The following TASP1 variants were observed in gnomAD, a reference collection of about 807,000 sequenced individuals.
TASP1 encodes the protein threonine aspartase 1.
In TASP1, 16 loss-of-function variants were observed where a neutral mutation model predicts 56.6. The observed-to-expected ratio is 0.28, with a 90% CI of 0.19 to 0.43. The LOEUF is 0.43. Ranked by LOEUF, TASP1 falls within the 20% of genes least tolerant of loss-of-function variation. The probability of loss-of-function intolerance (pLI) is 1.00; values close to 1 mark genes in which losing one functional copy is unlikely to be tolerated. For synonymous variants in TASP1, 179 were observed against 184.2 expected (o/e 0.97, Z 0.23); for missense variants, 393 against 511.6 (o/e 0.77, Z 2.24).
intron 1 of TASP1, among the ~76,000 whole-genome samples, chr20:13,635,461 C>T (rs2049270739): frequency 6.7e-6 from 1 of 149,740 alleles, no homozygotes; most frequent in Non-Finnish European, 1.5e-5. Context: ...AACCTCAACT[C>T]ACTGCAACCT....
At chr20:13,233,083 G>C in the TASP1 span, among the ~76,000 whole-genome samples, 583 of 151,430 alleles carry the variant, frequency 3.8e-3, 5 homozygotes, top group Middle Eastern at 0.018. Context: ...TACTTCTCCC[G>C]TGTCCTGCTG....
the TASP1 span, among the ~76,000 whole-genome samples, chr20:13,135,375 C>T: frequency 6.6e-6 from 1 of 152,186 alleles, no homozygotes; most frequent in Non-Finnish European, 1.5e-5. Context: ...CAGTCACCCT[C>T]CATTTGACTG....
At chr20:13,147,298 A>G in the TASP1 span, among the ~76,000 whole-genome samples, 1 of 152,012 alleles carries the variant, frequency 6.6e-6, no homozygotes, top group Non-Finnish European at 1.5e-5. Flanking sequence ...ACCACTCCAA[A>G]TGTTCTTTTC....
chr20:13,333,587 T>C, the TASP1 span, among the ~76,000 whole-genome samples: 7 of 152,322 alleles, frequency 4.6e-5, no homozygotes, highest in African/African-American at 1.7e-4. Flanking sequence ...ATAGTTGATG[T>C]TTCATACCTA....
At chr20:13,314,351 CAAAGAAAAAA>C in the TASP1 span, among the ~76,000 whole-genome samples, 1 of 151,054 alleles carries the variant, frequency 6.6e-6, no homozygotes, top group Non-Finnish European at 1.5e-5. Flanking sequence ...TACAGAAAAA[CAAAGAAAAAA>C]TTCCAAAAGA....
chr20:13,286,820 G>A, the TASP1 span, among the ~76,000 whole-genome samples: 1 of 152,192 alleles, frequency 6.6e-6, no homozygotes, highest in African/African-American at 2.4e-5. Context: ...CATTCCTGCT[G>A]GGCCTATGTA....
chr20:13,424,834 A>G lies in TASP1; in HGVS notation c.1097-7313T>C, dbSNP rs181072789. 1.2e-3 allele frequency among the ~76,000 whole-genome samples: 185 copies of G among 152,266 alleles called. 1 individual carries two copies. Among genetic ancestry groups the G allele is most frequent in the Non-Finnish European group, 1.1e-3 (72 of 68,002 alleles). ...CATCAGAAAACATTAACAACACACT[A>G]AAATAAGATTCTGAGTAGGTTTAAC... On this transcript the variant is annotated intron_variant, in intron 12 of 13. Transcript: ENST00000337743.
the TASP1 span, among the ~76,000 whole-genome samples, chr20:13,277,111 C>CTAT: frequency 2.0e-5 from 3 of 151,880 alleles, no homozygotes; most frequent in African/African-American, 7.3e-5. Context: ...GGCAACAAGT[C>CTAT]TATTTTGTTT....
chr20:13,362,779 T>C, the TASP1 span, among the ~76,000 whole-genome samples: 15 of 138,256 alleles, frequency 1.1e-4, no homozygotes, highest in Non-Finnish European at 1.1e-4. Context: ...TAAAGGGAGA[T>C]TGACTGCAAA....
At chr20:13,456,323 C>A (rs1463739760) in intron 11 of TASP1, among the ~76,000 whole-genome samples, 1 of 152,090 alleles carries the variant, frequency 6.6e-6, no homozygotes. Context: ...GAAGACTTCA[C>A]CAGAGAGTCC....
chr20:13,483,008 T>A (rs752317786), intron 11 of TASP1, among the ~76,000 whole-genome samples: 3 of 152,188 alleles, frequency 2.0e-5, no homozygotes, highest in Non-Finnish European at 4.4e-5. Context: ...TGTCAGTGTC[T>A]TACAGCTTGG....
chr20:13,185,009 A>C, the TASP1 span, among the ~76,000 whole-genome samples: 1 of 152,152 alleles, frequency 6.6e-6, no homozygotes, highest in Non-Finnish European at 1.5e-5. Flanking sequence ...TTTTTCCCTC[A>C]AATATGGAAG....
intron 8 of TASP1, among the ~76,000 whole-genome samples, chr20:13,546,705 C>T (rs963766530): frequency 6.6e-6 from 1 of 152,220 alleles, no homozygotes; most frequent in African/African-American, 2.4e-5. Flanking sequence ...GGTCAAGTTT[C>T]TCTAGATGAG....
intron 8 of TASP1, among the ~76,000 whole-genome samples, chr20:13,543,410 C>T (rs1021642039): frequency 2.0e-5 from 3 of 152,116 alleles, no homozygotes; most frequent in Admixed American, 6.6e-5. Context: ...ATCAGTCTGG[C>T]CAACATGGAG....
At chr20:13,178,036 G>A in the TASP1 span, among the ~76,000 whole-genome samples, 1 of 151,864 alleles carries the variant, frequency 6.6e-6, no homozygotes, top group Admixed American at 6.6e-5. Flanking sequence ...GAATATACAA[G>A]GAACTCAGAC....
chr20:13,557,572 GTT>G (rs972801507), intron 8 of TASP1, among the ~76,000 whole-genome samples: 1,804 of 99,386 alleles, frequency 0.018, 14 homozygotes, highest in African/African-American at 0.069. Flanking sequence ...GATGTTTTTG[GTT>G]TTTTTTTTTT....
the TASP1 span, among the ~76,000 whole-genome samples, chr20:13,268,963 G>T: frequency 6.6e-6 from 1 of 152,070 alleles, no homozygotes; most frequent in Non-Finnish European, 1.5e-5. Flanking sequence ...CTTCCCTAAG[G>T]TTAGCTCTCC....
chr20:13,284,280 G>T, the TASP1 span, among the ~76,000 whole-genome samples: 1 of 152,192 alleles, frequency 6.6e-6, no homozygotes, highest in African/African-American at 2.4e-5. Flanking sequence ...CCCACAGGAC[G>T]CTAGTGCCCT....
the TASP1 span, among the ~76,000 whole-genome samples, chr20:13,114,148 C>G: frequency 3.9e-5 from 6 of 152,170 alleles, no homozygotes; most frequent in Non-Finnish European, 8.8e-5. Context: ...GCAAGATCAC[C>G]CATTTGACCT....
Sources: allele counts gnomAD v4.1 joint callset (sites outside exome capture counted in the v4.1 genomes callset), GRCh38; gene constraint gnomAD v4.1.1; transcripts MANE v1.5; gene names NCBI Gene and HGNC (gene_info 2026-07-23, HGNC 2026-07-21).